AFTPH: variants seen among roughly 807,000 people sequenced by gnomAD.
AFTPH encodes the protein aftiphilin.
In AFTPH, 7 loss-of-function variants were observed where a neutral mutation model predicts 72.5. The ratio of observed to expected loss-of-function variants is 0.10; its 90% CI spans 0.05 to 0.18. The LOEUF (loss-of-function observed/expected upper bound fraction) is 0.18, where lower values mean the gene tolerates loss of function less well. Among genes scored for constraint, AFTPH ranks in the 10% least tolerant of loss-of-function variants. The probability of loss-of-function intolerance (pLI) is 1.00; values close to 1 mark genes in which losing one functional copy is unlikely to be tolerated. For missense variants in AFTPH, 979 were observed against 1,060.5 expected, an observed-to-expected ratio of 0.92 and a Z score of 1.07; for synonymous variants, 337 against 370.1, an observed-to-expected ratio of 0.91 and a Z score of 1.03.
intron 1 of AFTPH, among the ~76,000 whole-genome samples, chr2:64,543,092 C>A (rs1670356753): frequency 6.6e-6 from 1 of 152,302 alleles, no homozygotes. Context: ...TTTAGTCATT[C>A]TGGTAGATGT....
chr2:64,558,419 C>T (rs1671521813), intron 2 of AFTPH, among the ~76,000 whole-genome samples: 1 of 152,038 alleles, frequency 6.6e-6, no homozygotes, highest in African/African-American at 2.4e-5. Flanking sequence ...ATCACTGAAC[C>T]TCTAAATAAA....
intron 1 of AFTPH, among the ~76,000 whole-genome samples, chr2:64,532,725 G>A (rs550955656): frequency 8.3e-4 from 126 of 152,260 alleles, no homozygotes; most frequent in Non-Finnish European, 1.6e-3. Flanking sequence ...GAACTGGCTT[G>A]GCTAGGCTGT....
intron 1 of AFTPH, among the ~76,000 whole-genome samples, chr2:64,545,480 TAGTA>T (rs1331843379): frequency 2.1e-5 from 3 of 146,260 alleles, no homozygotes; most frequent in Admixed American, 1.4e-4. Context: ...CAGTTTATAA[TAGTA>T]AGATACTGGA....
At chr2:64,572,819 C>T (rs1038585275) in intron 5 of AFTPH, 127 bp from the exon 6 acceptor site, 4 of 1,187,558 alleles carry the variant, frequency 3.4e-6, no homozygotes, top group Non-Finnish European at 4.6e-6. Flanking sequence ...AAAAAAAAGA[C>T]TAGTTCCTTT....
chr2:64,577,120 TGGTACTGCTAGGACTG>T (rs917975721), intron 6 of AFTPH, among the ~76,000 whole-genome samples: 1 of 152,210 alleles, frequency 6.6e-6, no homozygotes, highest in African/African-American at 2.4e-5. Flanking sequence ...CATGTATTAG[TGGTACTGCTAGGACTG>T]GAATCCAAGC....
At chr2:64,591,786 C>T in intron 8 of AFTPH, 102 bp from the exon 10 acceptor site, 1 of 1,264,480 alleles carries the variant, frequency 7.9e-7, no homozygotes, top group Non-Finnish European at 1.1e-6. Flanking sequence ...ATACTCAAGT[C>T]CCCACAGATT....
intron 7 of AFTPH, among the ~76,000 whole-genome samples, chr2:64,582,743 TTGAA>T (rs1482791730): frequency 6.6e-6 from 1 of 152,238 alleles, no homozygotes; most frequent in African/African-American, 2.4e-5. Context: ...GTATTATAAT[TTGAA>T]TGAGGTCACT....
intron 2 of AFTPH, among the ~76,000 whole-genome samples, chr2:64,564,841 T>G (rs1004524875): frequency 7.2e-6 from 1 of 138,176 alleles, no homozygotes; most frequent in Non-Finnish European, 1.6e-5. Context: ...ATTGATACAC[T>G]TTTTTTTTTT....
At chr2:64,570,276 G>C (rs933097330) in intron 5 of AFTPH, among the ~76,000 whole-genome samples, 7 of 152,070 alleles carry the variant, frequency 4.6e-5, no homozygotes, top group Admixed American at 4.6e-4. Context: ...GTGTTTTTTG[G>C]TGTGTATTTT....
At chr2:64,563,750 C>T (rs1459789328) in intron 2 of AFTPH, among the ~76,000 whole-genome samples, 1 of 152,146 alleles carries the variant, frequency 6.6e-6, no homozygotes, top group East Asian at 1.9e-4. Flanking sequence ...GGATTACAGG[C>T]ACCAGCCACC....
chr2:64,527,662 A>T (rs991078378), intron 1 of AFTPH, among the ~76,000 whole-genome samples: 2 of 152,126 alleles, frequency 1.3e-5, no homozygotes, highest in Non-Finnish European at 2.9e-5. Context: ...AGCATTGTAT[A>T]TTTAAAAAAA....
chr2:64,545,847 G>A (rs7594514), intron 1 of AFTPH, among the ~76,000 whole-genome samples: 73,951 of 151,640 alleles, frequency 0.49, 21,503 homozygotes, highest in African/African-American at 0.82. Flanking sequence ...ATAAAATTGA[G>A]CAGAACTATA....
At chr2:64,586,341 A>G (rs999429721) in intron 8 of AFTPH, among the ~76,000 whole-genome samples, 4 of 152,232 alleles carry the variant, frequency 2.6e-5, no homozygotes, top group African/African-American at 9.6e-5. Context: ...CTATTTACCT[A>G]TTAGTTGCCT....
In AFTPH at chr2:64,569,726, T is replaced by G; in HGVS notation, c.2271+47T>G. The G allele has an allele frequency of 5.9e-6, 9 of 1,533,254 alleles. No individual in the cohort carries two copies. The South Asian group carries it at 1.0e-4, about 17-fold the overall frequency. The allele number at this position is 1,533,254 out of a possible 1,614,324, so 95.0% of individuals were successfully genotyped here. On this transcript the variant is annotated intron_variant, in intron 5 of 8. Coordinates refer to ENST00000238856, the Ensembl canonical transcript of AFTPH. ...CATGTATTTATCATTACTGCATCTATTCTGTAAAATCATCTTAAAATACAC... is the reference window on the plus strand; with the variant it reads ...CATGTATTTATCATTACTGCATCTAGTCTGTAAAATCATCTTAAAATACAC...
intron 2 of AFTPH, among the ~76,000 whole-genome samples, chr2:64,555,303 G>A (rs1671286307): frequency 1.3e-5 from 2 of 152,110 alleles, no homozygotes; most frequent in African/African-American, 4.8e-5. Flanking sequence ...GCTCATGCCT[G>A]TAATCACAGC....
At chr2:64,543,193 T>C (rs1345807620) in intron 1 of AFTPH, among the ~76,000 whole-genome samples, 1 of 152,248 alleles carries the variant, frequency 6.6e-6, no homozygotes, top group Non-Finnish European at 1.5e-5. Context: ...TCTTGTGAAA[T>C]ACCTGTTCAA....
intron 2 of AFTPH, among the ~76,000 whole-genome samples, chr2:64,562,618 G>T (rs1350875622): frequency 1.3e-5 from 2 of 152,150 alleles, no homozygotes; most frequent in African/African-American, 4.8e-5. Flanking sequence ...CCAGGAAATG[G>T]AGATGATATT....
At chr2:64,584,886 G>A (rs527758362) in intron 7 of AFTPH, among the ~76,000 whole-genome samples, 15 of 152,198 alleles carry the variant, frequency 9.9e-5, no homozygotes, top group East Asian at 3.9e-4. Context: ...GTGAGCCACC[G>A]CGCCTGGCCA....
chr2:64,566,675 G>C (rs1221003281), intron 2 of AFTPH, among the ~76,000 whole-genome samples: 1 of 152,060 alleles, frequency 6.6e-6, no homozygotes, highest in African/African-American at 2.4e-5. Flanking sequence ...TAGGAAAATA[G>C]GAATGAATGT....
Sources: gnomAD v4.1 joint callset for allele counts (sites outside exome capture counted in the v4.1 genomes callset) on GRCh38, gnomAD v4.1.1 for gene constraint, MANE v1.5 for transcripts, NCBI Gene and HGNC (gene_info 2026-07-23, HGNC 2026-07-21) for gene names.